MEGF8: variants seen among roughly 807,000 people sequenced by gnomAD.
MEGF8 encodes the protein multiple EGF like domains 8, also known as multiple epidermal growth factor-like domains protein 8.
MEGF8 carries 156 observed loss-of-function variants against 302.9 expected under a neutral mutation model. The observed-to-expected ratio is 0.52, with a 90% CI of 0.45 to 0.59. The LOEUF (loss-of-function observed/expected upper bound fraction) is 0.59, where lower values mean the gene tolerates loss of function less well. MEGF8 is among the 20% of genes least tolerant of loss of function. The probability of loss-of-function intolerance (pLI) is 0.00; values close to 1 mark genes in which losing one functional copy is unlikely to be tolerated. For missense variants in MEGF8, 3,345 were observed against 3,964.5 expected (o/e 0.84, Z 4.20); for synonymous variants, 1,621 against 1,660.5 (o/e 0.98, Z 0.58).
chr19:42,366,792 G>A (rs1158138970), intron 35 of MEGF8, among the ~76,000 whole-genome samples: 1 of 152,226 alleles, frequency 6.6e-6, no homozygotes, highest in Non-Finnish European at 1.5e-5. Context: ...AGCAGAAAGT[G>A]CTGTCCAGGA....
intron 32 of MEGF8, 110 bp downstream of exon 32, chr19:42,361,116 A>C: frequency 8.4e-7 from 1 of 1,191,844 alleles, no homozygotes; most frequent in Non-Finnish European, 1.1e-6. Context: ...TGGTTCAGGA[A>C]AGGGGTGAAT....
chr19:42,347,315 CTTTTT>C (rs1318739885), intron 12 of MEGF8, among the ~76,000 whole-genome samples: 1 of 135,824 alleles, frequency 7.4e-6, no homozygotes, highest in Non-Finnish European at 1.6e-5. Flanking sequence ...CACTCTCATT[CTTTTT>C]TTTTTTTTTT....
chr19:42,345,690 A>G (rs760307013), intron 12 of MEGF8, among the ~76,000 whole-genome samples: 1 of 152,214 alleles, frequency 6.6e-6, no homozygotes, highest in Non-Finnish European at 1.5e-5. Context: ...TTATCCATTC[A>G]TCAGCTGATG....
intron 39 of MEGF8, 164 bp from the exon 40 acceptor site, chr19:42,370,537 G>T: frequency 1.1e-6 from 1 of 909,876 alleles, no homozygotes; most frequent in African/African-American, 1.7e-5. Flanking sequence ...GGGTCTGAGG[G>T]AAGAGGAGCT....
chr19:42,334,243 G>T, intron 3 of MEGF8, 30 bp downstream of exon 3: 1 of 1,557,676 alleles, frequency 6.4e-7, no homozygotes. Context: ...TGTTTCCCCT[G>T]GGGCCCTGAT....
chr19:42,335,817 C>T (rs2039119682), intron 5 of MEGF8, 114 bp from the exon 6 acceptor site: 6 of 1,004,672 alleles, frequency 6.0e-6, no homozygotes, highest in Non-Finnish European at 8.4e-6. Context: ...CTCTTTGTCT[C>T]TGTCTTTATC....
intron 7 of MEGF8, 56 bp downstream of exon 7, chr19:42,337,008 G>A: frequency 1.2e-6 from 2 of 1,613,400 alleles, no homozygotes; most frequent in South Asian, 1.1e-5. Context: ...AGCCAACCCT[G>A]AGCTGAGGCT....
At position 42,369,399 on chromosome 19, in the gene MEGF8, G is replaced by A; in HGVS notation, c.6642-132G>A. The A allele has an allele frequency of 1.1e-6, 1 of 891,874 alleles. No individual in the cohort carries two copies. Among genetic ancestry groups the A allele is most frequent in the Non-Finnish European group, 1.7e-6 (1 of 593,950 alleles). 55.2% of individuals were successfully genotyped at this position (891,874 alleles called of 1,614,324 possible). On this transcript the variant is annotated intron_variant, in intron 37 of 41. Coordinates refer to ENST00000251268, the MANE Select transcript of MEGF8 (RefSeq NM_001271938.2). The surrounding 1 kb of genome is among the most constrained non-coding windows in gnomAD (Gnocchi z 5.7). ...AGGGGGTGGTGGGCTAGATCCTGAA[G>A]AGAAGATAGCAACGGGACAGAGCAG...
chr19:42,361,668 C>G (rs1195584263), intron 32 of MEGF8, among the ~76,000 whole-genome samples: 1 of 152,136 alleles, frequency 6.6e-6, no homozygotes, highest in Non-Finnish European at 1.5e-5. Context: ...TGTGGACCCC[C>G]CCTGTGCAGG....
At chr19:42,332,702 A>T (rs550181187) in intron 1 of MEGF8, among the ~76,000 whole-genome samples, 1 of 152,304 alleles carries the variant, frequency 6.6e-6, no homozygotes, top group South Asian at 2.1e-4. Flanking sequence ...CTGTGTTCTG[A>T]GAAGGAGCAT....
In MEGF8 at chr19:42,352,902, TC is replaced by T; in HGVS notation, c.3351-22del. On this transcript the variant is annotated intron_variant, in intron 19 of 41. Transcript: ENST00000251268. The surrounding 1 kb of genome is among the most constrained non-coding windows in gnomAD (Gnocchi z 4.4). ...GGGGCTCTGGGCCTGCCTGGCGCTT[TC>T]CCCACCCCCAACACGGCCCCTCAGG... 1 of 1,545,354 alleles carries T rather than the reference TC, an allele frequency of 6.5e-7. No homozygotes were observed. Among genetic ancestry groups the T allele is most frequent in the African/African-American group, 1.4e-5 (1 of 73,300 alleles).
At chr19:42,362,318 C>A (rs1326775500) in intron 33 of MEGF8, 66 bp from the exon 34 acceptor site, 1 of 1,610,812 alleles carries the variant, frequency 6.2e-7, no homozygotes, top group Admixed American at 1.7e-5. Context: ...TCTCAGGAAC[C>A]ACCGAGTTCT....
chr19:42,370,560 C>A, intron 39 of MEGF8, 141 bp from the exon 40 acceptor site: 1 of 1,021,410 alleles, frequency 9.8e-7, no homozygotes, highest in Non-Finnish European at 1.4e-6. Context: ...GGCCTGGACT[C>A]CTGGATCTGA....
intron 12 of MEGF8, 36 bp from the exon 13 acceptor site, chr19:42,348,236 A>T (rs748707558): frequency 6.7e-7 from 1 of 1,496,030 alleles, no homozygotes; most frequent in Admixed American, 2.0e-5. Context: ...GAGTCCAGAA[A>T]GGGACTCACA....
rs564354397 is a variant in MEGF8 at position 42,352,023 on chromosome 19, A to G, written c.3102-185A>G. ...TCTCCCTTTCACTGCATCTCTGTCTATGTCTCTCTTCTGTCTTCCAAAATT... is the reference window on the plus strand; with the variant it reads ...TCTCCCTTTCACTGCATCTCTGTCTGTGTCTCTCTTCTGTCTTCCAAAATT... On this transcript the variant is annotated intron_variant, in intron 18 of 41. Transcript: ENST00000251268. The surrounding 1 kb of genome is among the most constrained non-coding windows in gnomAD (Gnocchi z 4.4). Among the ~76,000 whole-genome samples, 4 of 150,788 alleles carry G rather than the reference A, an allele frequency of 2.7e-5. No individual in the cohort carries two copies. The highest frequency in any genetic ancestry group is 4.9e-5 in the African/African-American group (2 of 41,018).
In MEGF8 at chr19:42,344,563, T is replaced by C; in HGVS notation, c.1911T>C (p.Asn637=). The C allele has an allele frequency of 1.3e-6, 2 of 1,598,504 alleles. No homozygotes were observed. The highest frequency in any genetic ancestry group is 8.5e-7 in the Non-Finnish European group (1 of 1,176,732). Residue 637 remains asparagine, a synonymous_variant, in exon 11 of 42, where the codon AAT becomes AAC. Transcript: ENST00000251268. This position sits in a 1 kb window ranked among gnomAD's most constrained non-coding sequence, Gnocchi z 4.5. ...GPGTLGWCVH[N]ESCLPRPEQA... is the part of the protein sequence containing the mutation. The stretch of plus-strand genomic sequence containing the variant: ...GCACCCTGGGCTGGTGCGTGCACAA[T>C]GAGAGCTGCCTCCCTAGGCCTGGTG...
At chr19:42,348,192 T>C (rs1356845080) in intron 12 of MEGF8, 80 bp from the exon 13 acceptor site, 1 of 1,320,602 alleles carries the variant, frequency 7.6e-7, no homozygotes, top group African/African-American at 1.5e-5. Context: ...GAAGGTTGGG[T>C]TGACCAGTCT....
In MEGF8 at chr19:42,376,516, C is replaced by T; in HGVS notation, c.8279C>T (p.Thr2760Ile). The T allele has an allele frequency of 1.3e-6, 2 of 1,577,022 alleles. No individual in the cohort carries two copies. The change falls in exon 42 of 42, where the codon ACT becomes ATT. Residue 2760 changes from threonine (T) to isoleucine (I), a missense_variant. By Grantham distance (89) the Thr-to-Ile change is moderately conservative. Coordinates refer to ENST00000251268, the MANE Select transcript of MEGF8 (RefSeq NM_001271938.2). The surrounding 1 kb of genome is among the most constrained non-coding windows in gnomAD (Gnocchi z 8.2). ...GCCPPAIPAT[T>I]AGLRAGPITL... is the part of the protein sequence containing the mutation. ...TGCCCACCAGCCATCCCCGCCACCA[C>T]TGCTGGGCTGCGAGCTGGGCCCATC...
Position 42,352,842 on chromosome 19 carries a change from G to T in MEGF8, c.3351-86G>T. 9.9e-7 allele frequency: 1 copy of T among 1,005,032 alleles called. No individual in the cohort carries two copies. Among genetic ancestry groups the T allele is most frequent in the South Asian group, 1.5e-5 (1 of 65,522 alleles). The allele number at this position is 1,005,032 out of a possible 1,614,324, so 62.3% of individuals were successfully genotyped here. A position where few individuals can be genotyped will look rare whatever the true frequency, so the allele number is the denominator to read the frequency against. ...CATGGAAACAGCCAGTGGCTTTGAT[G>T]GTGTCATGGTGGGTGGAGATGATGG... On this transcript the variant is annotated intron_variant, in intron 19 of 41. Transcript: ENST00000251268. The surrounding 1 kb of genome is among the most constrained non-coding windows in gnomAD (Gnocchi z 4.4).
Sources: gnomAD v4.1 joint callset for allele counts (sites outside exome capture counted in the v4.1 genomes callset) on GRCh38, gnomAD v4.1.1 for gene constraint, Gnocchi (gnomAD v3.1) non-coding constraint, MANE v1.5 for transcripts, NCBI Gene and HGNC (gene_info 2026-07-23, HGNC 2026-07-21) for gene names.